The following KCNQ5 variants were observed in gnomAD, a reference collection of about 807,000 sequenced individuals.
KCNQ5 encodes potassium voltage-gated channel subfamily KQT member 5.
In KCNQ5, 30 loss-of-function variants were observed where a neutral mutation model predicts 98.2. That is an observed-to-expected ratio of 0.31 (90% CI 0.23 to 0.41). The LOEUF is 0.41. Ranked by LOEUF, KCNQ5 falls within the 10% of genes least tolerant of loss-of-function variation. The probability of loss-of-function intolerance (pLI) is 1.00; values close to 1 mark genes in which losing one functional copy is unlikely to be tolerated. For synonymous variants in KCNQ5, 458 were observed against 449.4 expected (o/e 1.02, Z -0.24); for missense variants, 835 against 1,182.5 (o/e 0.71, Z 4.31).
chr6:73,083,237 G>T (rs1234116821), intron 5 of KCNQ5, among the ~76,000 whole-genome samples: 1 of 152,076 alleles, frequency 6.6e-6, no homozygotes, highest in African/African-American at 2.4e-5. Context: ...TAATTATAAT[G>T]GCATGGTTTA....
intron 1 of KCNQ5, among the ~76,000 whole-genome samples, chr6:72,737,420 A>G (rs1457947842): frequency 1.3e-5 from 2 of 151,994 alleles, no homozygotes; most frequent in East Asian, 1.9e-4. Flanking sequence ...TGGGACAACA[A>G]TATACAAAGG....
chr6:72,805,873 A>G (rs1416911682), intron 1 of KCNQ5, among the ~76,000 whole-genome samples: 1 of 151,254 alleles, frequency 6.6e-6, no homozygotes, highest in Non-Finnish European at 1.5e-5. Flanking sequence ...TCATCGTAGA[A>G]CTCTTTCAAT....
At chr6:73,110,484 C>T (rs1180841361) in intron 6 of KCNQ5, among the ~76,000 whole-genome samples, 2 of 152,160 alleles carry the variant, frequency 1.3e-5, no homozygotes, top group Admixed American at 6.5e-5. Flanking sequence ...AGCAAACTGG[C>T]CCAAAACTAA....
intron 1 of KCNQ5, among the ~76,000 whole-genome samples, chr6:72,682,939 T>C (rs567326536): frequency 2.0e-4 from 31 of 152,292 alleles, no homozygotes; most frequent in African/African-American, 7.5e-4. Flanking sequence ...GAGGAGCTGA[T>C]CGCTGCCCCA....
intron 2 of KCNQ5, among the ~76,000 whole-genome samples, chr6:73,011,375 G>T (rs1326309942): frequency 6.6e-6 from 1 of 152,060 alleles, no homozygotes; most frequent in East Asian, 1.9e-4. Flanking sequence ...TGACCATTCA[G>T]TGGGGAAAGG....
At chr6:72,648,030 G>A (rs1247654289) in intron 1 of KCNQ5, among the ~76,000 whole-genome samples, 2 of 152,118 alleles carry the variant, frequency 1.3e-5, no homozygotes, top group East Asian at 1.9e-4. Context: ...CAGGGAACAT[G>A]TACAATCTTG....
rs543034551 is a variant in KCNQ5, at chr6:72,875,012, C to T, written c.399-128896C>T. Among the ~76,000 whole-genome samples the T allele has an allele frequency of 8.5e-5, 13 of 152,266 alleles. No homozygotes were observed. In the South Asian group the frequency reaches 2.7e-3, roughly 32 times the overall value. On this transcript the variant is annotated intron_variant, in intron 1 of 13. Transcript: ENST00000370398. ...GTTCTGGAATTGCCTGAAAATCCTA[C>T]AGCATATTCCCTTTGATTGTCTAAA...
chr6:73,190,074 T>A (rs200286458), intron 11 of KCNQ5, among the ~76,000 whole-genome samples: 4,675 of 94,010 alleles, frequency 0.05, 94 homozygotes, highest in East Asian at 0.1. Context: ...GCAGGAATAA[T>A]TTATGGGAAA....
At chr6:72,690,478 T>C (rs1768158822) in intron 1 of KCNQ5, among the ~76,000 whole-genome samples, 1 of 152,192 alleles carries the variant, frequency 6.6e-6, no homozygotes, top group Non-Finnish European at 1.5e-5. Flanking sequence ...TGTTTCCTAT[T>C]TAGGGTTGTG....
intron 5 of KCNQ5, among the ~76,000 whole-genome samples, chr6:73,103,491 G>T (rs10155742): frequency 0.96 from 145,032 of 151,396 alleles, 69,469 homozygotes; most frequent in South Asian, 0.98. Context: ...GTCATGGGGG[G>T]GGGGGAGAGG....
rs543032660 is a variant in KCNQ5, at chr6:73,165,772, C to T, written c.1469-3974C>T. Among the ~76,000 whole-genome samples the T allele has an allele frequency of 4.4e-4, 67 of 151,978 alleles. 1 individual carries two copies. The highest frequency in any genetic ancestry group is 4.3e-3 in the Admixed American group (65 of 15,272). ...CCAGCCTGGCCAACATGGTGAAACCCCGTCTCTACTAAATATTTAAAAATT... is the reference window on the plus strand; with the variant it reads ...CCAGCCTGGCCAACATGGTGAAACCTCGTCTCTACTAAATATTTAAAAATT... On this transcript the variant is annotated intron_variant, in intron 10 of 13. Transcript: ENST00000370398.
chr6:72,649,810 G>T (rs941917106), intron 1 of KCNQ5, among the ~76,000 whole-genome samples: 1 of 152,002 alleles, frequency 6.6e-6, no homozygotes, highest in Non-Finnish European at 1.5e-5. Flanking sequence ...TATGACTAAG[G>T]AATAACATTT....
intron 1 of KCNQ5, among the ~76,000 whole-genome samples, chr6:72,795,064 G>A (rs1774256130): frequency 6.6e-6 from 1 of 152,108 alleles, no homozygotes; most frequent in South Asian, 2.1e-4. Context: ...ATTGACTTCT[G>A]TCTAGGTAGA....
chr6:72,846,644 ACTT>A (rs1363108289), intron 1 of KCNQ5, among the ~76,000 whole-genome samples: 2 of 152,154 alleles, frequency 1.3e-5, no homozygotes, highest in African/African-American at 4.8e-5. Context: ...GTGCCACTGC[ACTT>A]CAGCTTGGGT....
chr6:72,789,971 G>T (rs954043645), intron 1 of KCNQ5, among the ~76,000 whole-genome samples: 3 of 152,160 alleles, frequency 2.0e-5, no homozygotes, highest in Admixed American at 6.5e-5. Flanking sequence ...GGCCCAGTGC[G>T]AGAGAACAGA....
intron 1 of KCNQ5, among the ~76,000 whole-genome samples, chr6:72,811,499 A>G (rs936348199): frequency 1.3e-5 from 2 of 152,170 alleles, no homozygotes; most frequent in Non-Finnish European, 2.9e-5. Flanking sequence ...GATATACGCA[A>G]GCATCTCTTT....
chr6:73,176,999 T>A (rs1778237006), intron 11 of KCNQ5, among the ~76,000 whole-genome samples: 1 of 152,126 alleles, frequency 6.6e-6, no homozygotes, highest in Non-Finnish European at 1.5e-5. Context: ...AAAGTAAGAA[T>A]GCTCTGAAGG....
At chr6:72,754,418 G>A (rs1051913923) in intron 1 of KCNQ5, among the ~76,000 whole-genome samples, 1 of 151,986 alleles carries the variant, frequency 6.6e-6, no homozygotes, top group African/African-American at 2.4e-5. Context: ...TTTTGTTGTG[G>A]TTTGAGAGCA....
Position 72,622,111 on chromosome 6 carries a change from T to A in KCNQ5, c.-79T>A. 1.7e-6 allele frequency: 2 copies of A among 1,180,638 alleles called. No individual in the cohort carries two copies. Among genetic ancestry groups the A allele is most frequent in the Non-Finnish European group, 2.1e-6 (2 of 948,448 alleles). 73.1% of individuals were successfully genotyped at this position (1,180,638 alleles called of 1,614,324 possible). A position where few individuals can be genotyped will look rare whatever the true frequency, so the allele number is the denominator to read the frequency against. On this transcript the variant is annotated 5_prime_UTR_variant, in exon 1 of 14. Coordinates refer to ENST00000370398, the MANE Select transcript of KCNQ5 (RefSeq NM_019842.4). This position sits in a 1 kb window ranked among gnomAD's most constrained non-coding sequence, Gnocchi z 6.0. ...CCCCGTCGGCCGCCGGCTTCCTCCT[T>A]GAAACCCGCCGGCGCACATGAGGCC...
Sources: allele counts gnomAD v4.1 joint callset (sites outside exome capture counted in the v4.1 genomes callset), GRCh38; gene constraint gnomAD v4.1.1; non-coding constraint Gnocchi (gnomAD v3.1); transcripts MANE v1.5; gene names NCBI Gene and HGNC (gene_info 2026-07-23, HGNC 2026-07-21).